The following GNG12 variants were observed in gnomAD, a reference collection of about 807,000 sequenced individuals.
GNG12 encodes guanine nucleotide-binding protein G(I)/G(S)/G(O) subunit gamma-12.
For missense variants in GNG12, 69 were observed against 83.8 expected (o/e 0.82, Z 0.69); for synonymous variants, 28 against 29.7 (o/e 0.94, Z 0.19).
chr1:67,795,294 A>C (rs973424734), intron 1 of GNG12, among the ~76,000 whole-genome samples: 1 of 152,190 alleles, frequency 6.6e-6, no homozygotes, highest in African/African-American at 2.4e-5. Flanking sequence ...CCAAAGGTCC[A>C]CTTTCCACCT....
intron 1 of GNG12, among the ~76,000 whole-genome samples, chr1:67,825,471 G>A (rs550369889): frequency 1.3e-5 from 2 of 152,254 alleles, no homozygotes; most frequent in African/African-American, 2.4e-5. Flanking sequence ...CCCAGAAGAG[G>A]AGCCAGGAGA....
intron 2 of GNG12, among the ~76,000 whole-genome samples, chr1:67,728,304 A>C (rs1211365945): frequency 1.3e-5 from 2 of 152,212 alleles, no homozygotes; most frequent in Admixed American, 6.5e-5. Flanking sequence ...GTTAAGAGCC[A>C]TGGGACTAGA....
At chr1:67,745,779 G>A (rs1014877913) in intron 2 of GNG12, among the ~76,000 whole-genome samples, 5 of 152,176 alleles carry the variant, frequency 3.3e-5, no homozygotes, top group Non-Finnish European at 5.9e-5. Flanking sequence ...ATAGATGTTT[G>A]TGGAAATGAC....
In GNG12 at chr1:67,786,935, A is replaced by ATGTGTG. The variant is rs60096043; in HGVS notation, c.-76-9434_-76-9429dup. On this transcript the variant is annotated intron_variant, in intron 1 of 3. Coordinates refer to ENST00000370982, the MANE Select transcript of GNG12 (RefSeq NM_018841.6). Reference sequence around the variant, plus strand: ...CTAGGTAACAGAGACTTATATATATATGTGTGTGTGTGTGTGTGTGTGTGT... The same window carrying ATGTGTG: ...CTAGGTAACAGAGACTTATATATATATGTGTGTGTGTGTGTGTGTGTGTGTGTGTGT... Among the ~76,000 whole-genome samples the ATGTGTG allele has an allele frequency of 8.4e-3, 1,124 of 133,322 alleles. 4 individuals are homozygous for ATGTGTG. The highest frequency in any genetic ancestry group is 0.034 in the Middle Eastern group (9 of 264). 87.5% of individuals were successfully genotyped at this position (133,322 alleles called of 152,430 possible). A position where few individuals can be genotyped will look rare whatever the true frequency, so the allele number is the denominator to read the frequency against.
At chr1:67,772,346 C>T (rs1646679678) in intron 2 of GNG12, among the ~76,000 whole-genome samples, 1 of 152,208 alleles carries the variant, frequency 6.6e-6, no homozygotes, top group Non-Finnish European at 1.5e-5. Flanking sequence ...GTCCTCTCCA[C>T]ATGTTCCTTA....
Position 67,801,720 on chromosome 1 carries a change from A to G in GNG12, c.-76-24213T>C, listed in dbSNP as rs576658337. ...GTGTCAGACCTCACAGGTTTCCCCA[A>G]ATTCTCGCTTAACGGTGTGAATTTG... On this transcript the variant is annotated intron_variant, in intron 1 of 3. Coordinates refer to ENST00000370982, the MANE Select transcript of GNG12 (RefSeq NM_018841.6). 7.2e-4 allele frequency among the ~76,000 whole-genome samples: 110 copies of G among 152,282 alleles called. No individual in the cohort carries two copies. The South Asian group carries it at 0.012, about 16-fold the overall frequency.
intron 2 of GNG12, among the ~76,000 whole-genome samples, chr1:67,712,972 G>A (rs1262227321): frequency 6.6e-6 from 1 of 151,912 alleles, no homozygotes; most frequent in African/African-American, 2.4e-5. Context: ...CTGGTGATCC[G>A]CCTGCCTTGG....
At chr1:67,812,186 A>T (rs1262310348) in intron 1 of GNG12, among the ~76,000 whole-genome samples, 1 of 152,130 alleles carries the variant, frequency 6.6e-6, no homozygotes, top group Non-Finnish European at 1.5e-5. Flanking sequence ...GCTGTGGGTT[A>T]TTATTTTCTC....
chr1:67,833,418 T>TCTCCTC lies in GNG12; in HGVS notation c.-157_-152dup, dbSNP rs897319092. On this transcript the variant is annotated 5_prime_UTR_variant, in exon 1 of 4. Coordinates refer to ENST00000370982, the MANE Select transcript of GNG12 (RefSeq NM_018841.6). ...AGGGCTCCTGGAGACGGCTCCGACC[T>TCTCCTC]CTCCTCCTCCTCCTCCTCTTGCTCC... The TCTCCTC allele has an allele frequency of 1.4e-4, 135 of 983,866 alleles. No homozygotes were observed. Among genetic ancestry groups the TCTCCTC allele is most frequent in the Non-Finnish European group, 1.6e-4 (132 of 829,450 alleles). 60.9% of individuals were successfully genotyped at this position (983,866 alleles called of 1,614,324 possible). A position where few individuals can be genotyped will look rare whatever the true frequency, so the allele number is the denominator to read the frequency against.
chr1:67,702,655 A>G lies in GNG12; in HGVS notation c.*2796T>C, dbSNP rs576368507. On this transcript the variant is annotated 3_prime_UTR_variant, in exon 4 of 4. Coordinates refer to ENST00000370982, the MANE Select transcript of GNG12 (RefSeq NM_018841.6). Reference sequence around the variant, plus strand: ...AGCCATCACTTGTGAACCATCTGGTATATAAAATATTTCCCTTATTTAAAA... The same window carrying G: ...AGCCATCACTTGTGAACCATCTGGTGTATAAAATATTTCCCTTATTTAAAA... 1 of 152,278 alleles carries G rather than the reference A, an allele frequency of 6.6e-6. No homozygotes were observed. Among genetic ancestry groups the G allele is most frequent in the South Asian group, 2.1e-4 (1 of 4,830 alleles). 9.4% of individuals were successfully genotyped at this position (152,278 alleles called of 1,614,324 possible).
chr1:67,811,993 C>A (rs1646928951), intron 1 of GNG12, among the ~76,000 whole-genome samples: 2 of 152,124 alleles, frequency 1.3e-5, no homozygotes, highest in African/African-American at 4.8e-5. Flanking sequence ...GAAGGAAAAT[C>A]AAGATAGACA....
intron 1 of GNG12, among the ~76,000 whole-genome samples, chr1:67,810,951 C>T (rs1253015576): frequency 6.6e-6 from 1 of 152,184 alleles, no homozygotes; most frequent in Non-Finnish European, 1.5e-5. Context: ...GTTAACATTT[C>T]TGTTTGCTAG....
intron 2 of GNG12, among the ~76,000 whole-genome samples, chr1:67,724,863 T>C (rs556110093): frequency 6.6e-6 from 1 of 152,306 alleles, no homozygotes; most frequent in South Asian, 2.1e-4. Flanking sequence ...CATTCTACTT[T>C]TATATATGTT....
chr1:67,748,407 T>G (rs1025445104), intron 2 of GNG12, among the ~76,000 whole-genome samples: 1 of 152,082 alleles, frequency 6.6e-6, no homozygotes, highest in Non-Finnish European at 1.5e-5. Context: ...ACATGCTTTA[T>G]AAAAAAATAA....
At chr1:67,800,289 G>A (rs1268962512) in intron 1 of GNG12, among the ~76,000 whole-genome samples, 3 of 152,126 alleles carry the variant, frequency 2.0e-5, no homozygotes, top group Admixed American at 6.5e-5. Flanking sequence ...CAGCAAAGTC[G>A]AAATATGGGG....
intron 2 of GNG12, among the ~76,000 whole-genome samples, chr1:67,718,214 C>T (rs1361306651): frequency 1.3e-5 from 2 of 152,174 alleles, no homozygotes; most frequent in African/African-American, 4.8e-5. Context: ...CCCAATGAAA[C>T]ACCACCGTCT....
intron 2 of GNG12, among the ~76,000 whole-genome samples, chr1:67,732,296 C>T (rs866292701): frequency 1.5e-4 from 23 of 152,302 alleles, no homozygotes; most frequent in Middle Eastern, 3.4e-3. Flanking sequence ...CAGTATAAAG[C>T]GACTATTATT....
intron 2 of GNG12, among the ~76,000 whole-genome samples, chr1:67,754,584 C>T (rs1412078201): frequency 6.6e-6 from 1 of 152,194 alleles, no homozygotes; most frequent in African/African-American, 2.4e-5. Context: ...TCTACCTCCC[C>T]TCAATCCACT....
chr1:67,795,808 A>T (rs987200490), intron 1 of GNG12, among the ~76,000 whole-genome samples: 4 of 152,222 alleles, frequency 2.6e-5, no homozygotes, highest in African/African-American at 9.7e-5. Flanking sequence ...GAGTGTGAGG[A>T]CACAGGAAAA....
Sources: gnomAD v4.1 joint callset for allele counts (sites outside exome capture counted in the v4.1 genomes callset) on GRCh38, gnomAD v4.1.1 for gene constraint, MANE v1.5 for transcripts, NCBI Gene and HGNC (gene_info 2026-07-23, HGNC 2026-07-21) for gene names.